The following RFC3 variants were observed in gnomAD, a reference collection of about 807,000 sequenced individuals.
RFC3 encodes replication factor C subunit 3, also known as A1 38 kDa subunit.
Under a neutral mutation model 45.1 loss-of-function variants are expected in RFC3, and 41 were observed. The observed-to-expected ratio is 0.91, with a 90% CI of 0.71 to 1.18. RFC3 has a LOEUF of 1.18. Ranked by LOEUF, RFC3 falls within the 50% of genes most tolerant of loss-of-function variation. The pLI, the probability that RFC3 is intolerant of heterozygous loss-of-function variation, is 0.00. For synonymous variants in RFC3, 149 were observed against 144.0 expected, an observed-to-expected ratio of 1.03 and a Z score of -0.25; for missense variants, 423 against 428.1, an observed-to-expected ratio of 0.99 and a Z score of 0.10.
At chr13:33,909,909 A>G (rs1250477627) in intron 8 of RFC3, among the ~76,000 whole-genome samples, 6 of 152,140 alleles carry the variant, frequency 3.9e-5, no homozygotes, top group East Asian at 1.9e-4. Flanking sequence ...CAGCTCAGGT[A>G]GGAGGAAGAC....
intron 8 of RFC3, among the ~76,000 whole-genome samples, chr13:33,856,894 A>G (rs2082311713): frequency 6.6e-6 from 1 of 152,190 alleles, no homozygotes; most frequent in East Asian, 1.9e-4. Flanking sequence ...CTCCAGACCC[A>G]TTCCAGAGAG....
At chr13:33,836,079 T>A (rs1481033590) in intron 8 of RFC3, 25 bp from the exon 9 acceptor site, 5 of 1,587,440 alleles carry the variant, frequency 3.1e-6, no homozygotes, top group Non-Finnish European at 4.3e-6. Context: ...TAATGATTTT[T>A]AAATTACTGA....
chr13:33,918,867 C>G (rs1022830739), intron 8 of RFC3, among the ~76,000 whole-genome samples: 1 of 152,068 alleles, frequency 6.6e-6, no homozygotes, highest in Non-Finnish European at 1.5e-5. Context: ...GAGAAAACGG[C>G]GATCAGAAAG....
chr13:33,926,235 C>A (rs2082812332), intron 8 of RFC3, among the ~76,000 whole-genome samples: 1 of 149,998 alleles, frequency 6.7e-6, no homozygotes, highest in African/African-American at 2.5e-5. Flanking sequence ...GGAGGGATAG[C>A]ACTGGGAGAT....
At chr13:33,920,125 A>AAT (rs2082758780) in intron 8 of RFC3, among the ~76,000 whole-genome samples, 3 of 152,118 alleles carry the variant, frequency 2.0e-5, no homozygotes, top group Non-Finnish European at 2.9e-5. Context: ...TTGAAGGGAG[A>AAT]GAATGTTTGG....
chr13:33,831,848 ATAT>A (rs932091616), intron 7 of RFC3, among the ~76,000 whole-genome samples: 3 of 152,152 alleles, frequency 2.0e-5, no homozygotes, highest in African/African-American at 4.8e-5. Flanking sequence ...TATATTGAAG[ATAT>A]TATTATTGCC....
intron 8 of RFC3, among the ~76,000 whole-genome samples, chr13:33,965,901 C>T (rs753781079): frequency 2.1e-4 from 32 of 152,266 alleles, no homozygotes; most frequent in African/African-American, 6.5e-4. Context: ...TCTTATATTC[C>T]GCATGCTCTT....
chr13:33,922,156 T>A (rs564000729), intron 8 of RFC3, among the ~76,000 whole-genome samples: 25 of 152,066 alleles, frequency 1.6e-4, no homozygotes, highest in African/African-American at 5.5e-4. Flanking sequence ...ATTGCTTTTT[T>A]TTTTTTTTTT....
intron 7 of RFC3, among the ~76,000 whole-genome samples, chr13:33,834,838 G>T (rs2082138737): frequency 6.6e-6 from 1 of 151,926 alleles, no homozygotes; most frequent in African/African-American, 2.4e-5. Context: ...GTATTTTCAT[G>T]GTGTTTTGAT....
rs775775278 is a variant in RFC3, at chr13:33,821,163, T to C, written c.119T>C (p.Val40Ala). The C allele has an allele frequency of 6.2e-7, 1 of 1,613,888 alleles. No individual in the cohort carries two copies. The highest frequency in any genetic ancestry group is 1.7e-5 in the Admixed American group (1 of 60,014). Residue 40 changes from valine (V) to alanine (A), a missense_variant, in exon 2 of 9, where the codon GTG becomes GCG. Physicochemically the swap from Val to Ala is moderately conservative, Grantham distance 64. Coordinates refer to ENST00000380071, the MANE Select transcript of RFC3 (RefSeq NM_002915.4). ...VQCGDFPHLL[V>A]YGPSGAGKKT... The stretch of plus-strand genomic sequence containing the variant: ...TGTGGTGACTTTCCTCATCTGTTAG[T>C]GTACGGACCATCAGGTGCTGGAAAA...
the RFC3 span, among the ~76,000 whole-genome samples, chr13:33,975,181 C>T: frequency 6.6e-6 from 1 of 152,198 alleles, no homozygotes; most frequent in Non-Finnish European, 1.5e-5. Flanking sequence ...CTGTAGTATG[C>T]TCATATAGTG....
intron 8 of RFC3, among the ~76,000 whole-genome samples, chr13:33,921,413 A>C (rs1016310543): frequency 3.9e-5 from 6 of 152,152 alleles, no homozygotes; most frequent in African/African-American, 1.4e-4. Flanking sequence ...AGTGTTCCAA[A>C]CCGAGGGAAA....
chr13:33,862,679 A>T (rs1026396601), intron 8 of RFC3, among the ~76,000 whole-genome samples: 1 of 152,214 alleles, frequency 6.6e-6, no homozygotes, highest in African/African-American at 2.4e-5. Flanking sequence ...ATATTTTGAT[A>T]TATTCATATA....
chr13:33,925,801 C>A (rs2082808094), intron 8 of RFC3, among the ~76,000 whole-genome samples: 1 of 151,790 alleles, frequency 6.6e-6, no homozygotes, highest in Non-Finnish European at 1.5e-5. Context: ...GAATGAACCC[C>A]CCGACCAACC....
intron 7 of RFC3, 67 bp downstream of exon 7, chr13:33,831,421 T>C: frequency 2.5e-6 from 2 of 807,352 alleles, no homozygotes; most frequent in Non-Finnish European, 4.2e-6. Context: ...ATATTAACTA[T>C]TTTATGCTAA....
Position 33,836,169 on chromosome 13 carries a change from A to G in RFC3, c.945A>G (p.Ala315=), listed in dbSNP as rs752091239. The G allele has an allele frequency of 1.2e-6, 2 of 1,613,444 alleles. No individual in the cohort carries two copies. Among genetic ancestry groups the G allele is most frequent in the Admixed American group, 3.3e-5 (2 of 59,984 alleles). ...GQLKGEVAQM[A]AYYEHRLQLG... is the part of the protein sequence containing the mutation. Reference sequence around the variant, plus strand: ...TGAAAGGGGAGGTGGCACAAATGGCAGCTTACTATGAGCATCGTCTACAGC... The same window carrying G: ...TGAAAGGGGAGGTGGCACAAATGGCGGCTTACTATGAGCATCGTCTACAGC... The change falls in exon 9 of 9, where the codon GCA becomes GCG. Residue 315 remains alanine (A), a synonymous_variant. Transcript: ENST00000380071.
chr13:33,933,080 G>T (rs1318640229), intron 8 of RFC3, among the ~76,000 whole-genome samples: 2 of 152,118 alleles, frequency 1.3e-5, no homozygotes, highest in Non-Finnish European at 2.9e-5. Context: ...TTGAGTTACA[G>T]ATGGTGATAT....
chr13:33,852,784 CT>C (rs1196283361), intron 8 of RFC3, among the ~76,000 whole-genome samples: 4 of 152,160 alleles, frequency 2.6e-5, no homozygotes, highest in Non-Finnish European at 5.9e-5. Context: ...GGGAAGAAAG[CT>C]CTGGCTGTCA....
intron 8 of RFC3, among the ~76,000 whole-genome samples, chr13:33,892,323 T>C (rs924716833): frequency 1.3e-5 from 2 of 152,098 alleles, no homozygotes; most frequent in Non-Finnish European, 2.9e-5. Flanking sequence ...GAATAAGGGA[T>C]GTGGGTCCCT....
Sources: allele counts gnomAD v4.1 joint callset (sites outside exome capture counted in the v4.1 genomes callset), GRCh38; gene constraint gnomAD v4.1.1; transcripts MANE v1.5; gene names NCBI Gene and HGNC (gene_info 2026-07-23, HGNC 2026-07-21).